Variants in NAA15 observed in about 807,000 individuals in gnomAD.
NAA15 encodes N-alpha-acetyltransferase 15, NatA auxiliary subunit.
A neutral mutation model predicts 114.0 loss-of-function variants in NAA15; 34 were observed. That is an observed-to-expected ratio of 0.30 (90% confidence interval 0.23 to 0.40). The LOEUF (loss-of-function observed/expected upper bound fraction) is 0.40, where lower values mean the gene tolerates loss of function less well. Among genes scored for constraint, NAA15 ranks in the 10% least tolerant of loss-of-function variants. NAA15 has a pLI of 1.00. For synonymous variants in NAA15, 340 were observed against 338.0 expected (o/e 1.01, Z -0.06); for missense variants, 658 against 1,004.5 (o/e 0.66, Z 4.66).
rs747601631 is a variant in NAA15 at position 139,340,913 on chromosome 4, T to C, written c.246T>C (p.Cys82=). 2.1e-5 allele frequency: 32 copies of C among 1,544,754 alleles called. No homozygotes were observed. The highest frequency in any genetic ancestry group is 1.3e-4 in the South Asian group (10 of 77,044). ...GLRNDLKSHV[C]WHVYGLLQRS... is the part of the protein sequence containing the mutation. ...TGTACCCTTAACTAAATTCTTTAGG[T>C]TGGCACGTTTATGGCCTTCTTCAGA... The change falls in exon 4 of 20, where the codon TGT becomes TGC. Residue 82 remains cysteine (C), a splice_region_variant and synonymous_variant. Transcript: ENST00000296543.
At chr4:139,334,307 T>C in intron 2 of NAA15, 49 bp downstream of exon 2, 3 of 1,217,512 alleles carry the variant, frequency 2.5e-6, no homozygotes, top group Non-Finnish European at 3.5e-6. Flanking sequence ...TGGCCTCTCT[T>C]ACTGGATTGT....
intron 1 of NAA15, among the ~76,000 whole-genome samples, chr4:139,329,809 GT>G (rs773785122): frequency 6.6e-6 from 1 of 152,128 alleles, no homozygotes; most frequent in Non-Finnish European, 1.5e-5. Flanking sequence ...TCTCAGGGTG[GT>G]TTCATCTCTT....
intron 1 of NAA15, among the ~76,000 whole-genome samples, chr4:139,303,262 T>C (rs536443775): frequency 5.1e-4 from 78 of 152,326 alleles, no homozygotes; most frequent in African/African-American, 1.9e-3. Context: ...GGAAAAAAGT[T>C]ACTTTTAAAC....
chr4:139,304,435 G>A (rs1256393618), intron 1 of NAA15, among the ~76,000 whole-genome samples: 8 of 152,196 alleles, frequency 5.3e-5, no homozygotes, highest in African/African-American at 1.9e-4. Flanking sequence ...GCGCACGCGG[G>A]TGCAGTCATC....
chr4:139,337,680 G>C (rs1472948354), intron 3 of NAA15, among the ~76,000 whole-genome samples: 1 of 152,162 alleles, frequency 6.6e-6, no homozygotes, highest in Non-Finnish European at 1.5e-5. Flanking sequence ...TACCAACTTT[G>C]TGGGCTGACA....
At chr4:139,304,880 G>A (rs1289986447) in intron 1 of NAA15, among the ~76,000 whole-genome samples, 4 of 151,950 alleles carry the variant, frequency 2.6e-5, no homozygotes, top group Admixed American at 1.3e-4. Flanking sequence ...TCCAGCAACC[G>A]GTACATGTCC....
chr4:139,351,010 TA>T (rs1429815191), intron 7 of NAA15, among the ~76,000 whole-genome samples, 180 bp from the exon 8 acceptor site: 1 of 151,892 alleles, frequency 6.6e-6, no homozygotes, highest in East Asian at 1.9e-4. Flanking sequence ...GTACTTAAGA[TA>T]AAAAAAATTG....
intron 16 of NAA15, among the ~76,000 whole-genome samples, chr4:139,378,128 A>G (rs1302054143): frequency 6.6e-6 from 1 of 152,214 alleles, no homozygotes; most frequent in East Asian, 1.9e-4. Flanking sequence ...CCAAATTAGG[A>G]AAGTCTTATC....
chr4:139,337,024 G>A (rs1747221784), intron 3 of NAA15, 72 bp downstream of exon 3: 1 of 860,444 alleles, frequency 1.2e-6, no homozygotes, highest in Non-Finnish European at 1.8e-6. Flanking sequence ...GAGAGTCAAA[G>A]TTTTAGATCT....
At chr4:139,332,558 A>AT (rs1366682351) in intron 1 of NAA15, among the ~76,000 whole-genome samples, 1 of 70,268 alleles carries the variant, frequency 1.4e-5, no homozygotes, top group African/African-American at 5.4e-5. Context: ...CAGTCTTGGT[A>AT]TTTTGGTTTG....
At position 139,341,346 on chromosome 4, in the gene NAA15, A is replaced by G. The variant is rs538884300; in HGVS notation, c.402+277A>G. Among the ~76,000 whole-genome samples the G allele has an allele frequency of 7.4e-3, 1,120 of 152,060 alleles. 14 individuals carry two copies. Among genetic ancestry groups the G allele is most frequent in the African/African-American group, 0.025 (1,034 of 41,498 alleles). ...TGCGGTGGCTCACGCCTGTAGTCCCAGCACTTTGGGAGGCCCAGGTGGGTG... is the reference window on the plus strand; with the variant it reads ...TGCGGTGGCTCACGCCTGTAGTCCCGGCACTTTGGGAGGCCCAGGTGGGTG... On this transcript the variant is annotated intron_variant, in intron 4 of 19. Transcript: ENST00000296543.
In NAA15 at chr4:139,386,144, G is replaced by A; in HGVS notation, c.2314G>A (p.Val772Ile). 3 of 1,586,294 alleles carry A rather than the reference G, an allele frequency of 1.9e-6. No homozygotes were observed. Among genetic ancestry groups the A allele is most frequent in the Non-Finnish European group, 2.6e-6 (3 of 1,164,734 alleles). Residue 772 changes from valine (V) to isoleucine (I), a missense_variant, in exon 19 of 20, where the codon GTA becomes ATA. Transcript: ENST00000296543. ...LPHRLSAAKM[V>I]YYLDPSSQKR... is the part of the protein sequence containing the mutation. ...TCCCTCTCATTTAGCTGCCAAAATG[G>A]TATATTACTTAGATCCTTCTAGTCA...
intron 1 of NAA15, among the ~76,000 whole-genome samples, chr4:139,314,710 G>C (rs532347544): frequency 6.6e-6 from 1 of 151,796 alleles, no homozygotes; most frequent in Non-Finnish European, 1.5e-5. Context: ...ATGGAGTCTC[G>C]CTCTGTTACC....
chr4:139,371,762 T>A (rs1748446497), intron 15 of NAA15, among the ~76,000 whole-genome samples: 1 of 152,144 alleles, frequency 6.6e-6, no homozygotes, highest in South Asian at 2.1e-4. Flanking sequence ...CTTCCATCTT[T>A]ATGCCCCCAC....
chr4:139,349,660 C>G, intron 7 of NAA15, 79 bp downstream of exon 7: 1 of 1,371,234 alleles, frequency 7.3e-7, no homozygotes, highest in Non-Finnish European at 9.9e-7. Context: ...AAAAGCACAA[C>G]TAGAATAATA....
intron 7 of NAA15, 24 bp from the exon 8 acceptor site, chr4:139,351,163 ATAAC>A (rs1747766745): frequency 7.9e-7 from 1 of 1,264,824 alleles, no homozygotes; most frequent in Non-Finnish European, 1.1e-6. Flanking sequence ...ATGATTATAT[ATAAC>A]AAAGAATTTT....
rs138837344 is a variant in NAA15 at position 139,350,384 on chromosome 4, G to A, written c.811+803G>A. 5.3e-3 allele frequency among the ~76,000 whole-genome samples: 802 copies of A among 152,330 alleles called. 3 individuals carry two copies. Among genetic ancestry groups the A allele is most frequent in the Middle Eastern group, 0.01 (3 of 294 alleles). On this transcript the variant is annotated intron_variant, in intron 7 of 19. Coordinates refer to ENST00000296543, the MANE Select transcript of NAA15 (RefSeq NM_057175.5). ...CATCGAAGTGACTTGCCAGGGTCACGTAAATGTAGCCAGGCTGAATGAGCA... is the reference window on the plus strand; with the variant it reads ...CATCGAAGTGACTTGCCAGGGTCACATAAATGTAGCCAGGCTGAATGAGCA...
chr4:139,386,093 T>C, intron 18 of NAA15, 40 bp from the exon 19 acceptor site: 1 of 1,137,560 alleles, frequency 8.8e-7, no homozygotes, highest in Non-Finnish European at 1.3e-6. Context: ...AAGATGTTGG[T>C]TTTACCTTGA....
rs190068535 is a variant in NAA15, at chr4:139,325,988, T to C, written c.55-8186T>C. Among the ~76,000 whole-genome samples the C allele has an allele frequency of 3.3e-5, 5 of 152,360 alleles. No homozygotes were observed. In the East Asian group the frequency reaches 7.7e-4, roughly 23 times the overall value. On this transcript the variant is annotated intron_variant, in intron 1 of 19. Coordinates refer to ENST00000296543, the MANE Select transcript of NAA15 (RefSeq NM_057175.5). ...ATAGGTTCACATAAGTATTGTAGAA[T>C]AGTAAACTATTCCATAAGTTTTGGA...
Sources: allele counts gnomAD v4.1 joint callset (sites outside exome capture counted in the v4.1 genomes callset), GRCh38; gene constraint gnomAD v4.1.1; transcripts MANE v1.5; gene names NCBI Gene and HGNC (gene_info 2026-07-23, HGNC 2026-07-21).